TENM2: variants seen among roughly 807,000 people sequenced by gnomAD.
TENM2 encodes the protein teneurin transmembrane protein 2, also known as teneurin-2.
In TENM2, 52 loss-of-function variants were observed where a neutral mutation model predicts 245.2. That is an observed-to-expected ratio of 0.21 (90% CI 0.17 to 0.27). The LOEUF is 0.27. Among genes scored for constraint, TENM2 ranks in the 10% least tolerant of loss-of-function variants. TENM2 has a pLI of 1.00. For missense variants in TENM2, 3,046 were observed against 3,666.8 expected (o/e 0.83, Z 4.37); for synonymous variants, 1,363 against 1,438.9 (o/e 0.95, Z 1.19).
At chr5:167,731,697 GTTTT>G (rs58942656) in intron 2 of TENM2, among the ~76,000 whole-genome samples, 1 of 121,686 alleles carries the variant, frequency 8.2e-6, no homozygotes, top group African/African-American at 3.0e-5. Flanking sequence ...TTTCTCAGAG[GTTTT>G]TTTTTTTTTT....
At chr5:167,909,690 C>A (rs1475816783) in intron 3 of TENM2, among the ~76,000 whole-genome samples, 2 of 152,040 alleles carry the variant, frequency 1.3e-5, no homozygotes, top group Non-Finnish European at 2.9e-5. Context: ...GGATTTGAAC[C>A]CAAAGTTTAG....
chr5:167,357,037 G>C (rs1759381947), intron 1 of TENM2, among the ~76,000 whole-genome samples: 1 of 152,076 alleles, frequency 6.6e-6, no homozygotes, highest in Non-Finnish European at 1.5e-5. Flanking sequence ...TGGATAAGTT[G>C]GCTCTGGGAG....
chr5:168,190,290 T>G (rs750698602), intron 13 of TENM2, 47 bp from the exon 16 acceptor site: 1 of 1,500,612 alleles, frequency 6.7e-7, no homozygotes, highest in African/African-American at 1.4e-5. Context: ...CCAAACAGCT[T>G]TATGCCATGA....
Position 168,236,937 on chromosome 5 carries a change from ATCATATATATATATATATAT to A in TENM2, c.5521-7482_5521-7463del, listed in dbSNP as rs1562318414. Among the ~76,000 whole-genome samples the A allele has an allele frequency of 6.0e-4, 37 of 61,298 alleles. 1 individual carries two copies. Among genetic ancestry groups the A allele is most frequent in the Admixed American group, 1.1e-3 (5 of 4,550 alleles). 40.2% of individuals were successfully genotyped at this position (61,298 alleles called of 152,430 possible). On this transcript the variant is annotated intron_variant, in intron 25 of 28. Coordinates refer to ENST00000518659, the Ensembl canonical transcript of TENM2. ...ATATTTTGAGACCACAGATGTCCTA[ATCATATATATATATATATAT>A]ATATATATATATATATATATATATA...
chr5:167,272,966 A>C, the TENM2 span, among the ~76,000 whole-genome samples: 1 of 152,166 alleles, frequency 6.6e-6, no homozygotes, highest in African/African-American at 2.4e-5. Flanking sequence ...ACACACATAC[A>C]CAAACACAAA....
the TENM2 span, among the ~76,000 whole-genome samples, chr5:167,169,087 A>ATT: frequency 6.6e-6 from 1 of 152,160 alleles, no homozygotes; most frequent in South Asian, 2.1e-4. Flanking sequence ...ATAACAGTAA[A>ATT]TTAATCTTTG....
intron 2 of TENM2, among the ~76,000 whole-genome samples, chr5:167,732,339 A>C (rs560437445): frequency 6.6e-6 from 1 of 152,272 alleles, no homozygotes; most frequent in East Asian, 1.9e-4. Flanking sequence ...TCCCTTGTGA[A>C]TGCAATGTCC....
chr5:167,600,269 A>C (rs187076065), intron 2 of TENM2, among the ~76,000 whole-genome samples: 2 of 151,772 alleles, frequency 1.3e-5, no homozygotes, highest in East Asian at 3.9e-4. Context: ...TTTTTACATT[A>C]AAAAAATATG....
chr5:167,166,819 C>A, the TENM2 span, among the ~76,000 whole-genome samples: 3 of 152,100 alleles, frequency 2.0e-5, no homozygotes, highest in African/African-American at 4.8e-5. Context: ...ATGTCACATT[C>A]TTTTGTTGGG....
In TENM2 at chr5:167,678,303, G is replaced by A. The variant is rs7356643; in HGVS notation, c.503-197683G>A. Among the ~76,000 whole-genome samples, 1,015 of 152,088 alleles carry A rather than the reference G, an allele frequency of 6.7e-3. 16 individuals carry two copies. Among genetic ancestry groups the A allele is most frequent in the African/African-American group, 0.022 (901 of 41,534 alleles). On this transcript the variant is annotated intron_variant, in intron 2 of 28. Coordinates refer to ENST00000518659, the Ensembl canonical transcript of TENM2. The stretch of plus-strand genomic sequence containing the variant: ...GTAAATGTCTGAAAAAGCAAGATAC[G>A]AAACACTTCTTGTTATCACGTATAA...
At position 168,171,101 on chromosome 5, in the gene TENM2, A is replaced by G. The variant is rs530393482; in HGVS notation, c.2569+8344A>G. Among the ~76,000 whole-genome samples the G allele has an allele frequency of 5.3e-5, 8 of 152,350 alleles. No individual in the cohort carries two copies. In the East Asian group the frequency reaches 7.7e-4, roughly 15 times the overall value. The stretch of plus-strand genomic sequence containing the variant: ...CAAGGCACATTGTATCACTGGCTCA[A>G]TGTAGTCATTCAGTTCTCAGCTCAA... On this transcript the variant is annotated intron_variant, in intron 13 of 28. Coordinates refer to ENST00000518659, the Ensembl canonical transcript of TENM2.
Position 168,234,889 on chromosome 5 carries a change from T to A in TENM2, c.5520+6759T>A, listed in dbSNP as rs150176324. On this transcript the variant is annotated intron_variant, in intron 25 of 28. Transcript: ENST00000518659. ...TAATCTTCCATCATGATATTGGTAT[T>A]AGTGTTATTAGTATTCCAAGAAGAA... Among the ~76,000 whole-genome samples, 7 of 152,322 alleles carry A rather than the reference T, an allele frequency of 4.6e-5. No homozygotes were observed. The South Asian group carries it at 6.2e-4, about 14-fold the overall frequency.
chr5:167,177,909 T>C, the TENM2 span, among the ~76,000 whole-genome samples: 535 of 152,346 alleles, frequency 3.5e-3, 6 homozygotes, highest in African/African-American at 0.012. Context: ...TGGTCCCTAC[T>C]ATAAAACACG....
the TENM2 span, among the ~76,000 whole-genome samples, chr5:167,153,273 G>C: frequency 6.6e-6 from 1 of 151,854 alleles, no homozygotes; most frequent in African/African-American, 2.4e-5. Flanking sequence ...GTAAGCAGTT[G>C]ATTAACACGT....
chr5:167,177,612 G>A, the TENM2 span, among the ~76,000 whole-genome samples: 1 of 152,300 alleles, frequency 6.6e-6, no homozygotes, highest in South Asian at 2.1e-4. Flanking sequence ...TAGGATGGGT[G>A]TCAAGACTCA....
intron 3 of TENM2, among the ~76,000 whole-genome samples, chr5:167,907,549 A>ATATG (rs1473365457): frequency 4.0e-5 from 4 of 99,256 alleles, no homozygotes; most frequent in East Asian, 6.9e-4. Context: ...ATATATATAT[A>ATATG]TATATATATA....
chr5:167,784,377 C>T (rs1305324457), intron 2 of TENM2, among the ~76,000 whole-genome samples: 1 of 152,158 alleles, frequency 6.6e-6, no homozygotes, highest in Non-Finnish European at 1.5e-5. Flanking sequence ...GTAGTGAAAG[C>T]TCAATGCTTG....
intron 2 of TENM2, among the ~76,000 whole-genome samples, chr5:167,657,984 G>A (rs1754961415): frequency 6.6e-6 from 1 of 152,176 alleles, no homozygotes; most frequent in Admixed American, 6.5e-5. Context: ...GAAAGTCTGT[G>A]CTTAATAAGT....
chr5:167,464,329 G>C (rs1188551072), intron 2 of TENM2, among the ~76,000 whole-genome samples: 1 of 152,084 alleles, frequency 6.6e-6, no homozygotes, highest in Non-Finnish European at 1.5e-5. Context: ...TGTTAAGCAG[G>C]TAAACCCTAA....
Sources: allele counts gnomAD v4.1 joint callset (sites outside exome capture counted in the v4.1 genomes callset), GRCh38; gene constraint gnomAD v4.1.1; transcripts MANE v1.5; gene names NCBI Gene and HGNC (gene_info 2026-07-23, HGNC 2026-07-21).